RABGAP1L: variants seen among roughly 807,000 people sequenced by gnomAD.
RABGAP1L encodes the protein rab GTPase-activating protein 1-like.
Under a neutral mutation model 137.7 loss-of-function variants are expected in RABGAP1L, and 63 were observed. That is an observed-to-expected ratio of 0.46 (90% CI 0.37 to 0.56). The LOEUF (loss-of-function observed/expected upper bound fraction) is 0.56, where lower values mean the gene tolerates loss of function less well. RABGAP1L is among the 20% of genes least tolerant of loss of function. The probability of loss-of-function intolerance (pLI) is 0.00; values close to 1 mark genes in which losing one functional copy is unlikely to be tolerated. For missense variants in RABGAP1L, 1,095 were observed against 1,244.0 expected (o/e 0.88, Z 1.80); for synonymous variants, 431 against 433.7 (o/e 0.99, Z 0.08).
intron 12 of RABGAP1L, among the ~76,000 whole-genome samples, chr1:174,391,247 C>A (rs1687187797): frequency 6.6e-6 from 1 of 152,120 alleles, no homozygotes; most frequent in Non-Finnish European, 1.5e-5. Context: ...GCTTCCATAC[C>A]AACTCTTGAA....
intron 18 of RABGAP1L, among the ~76,000 whole-genome samples, chr1:174,810,956 G>T (rs1458398049): frequency 6.6e-6 from 1 of 151,894 alleles, no homozygotes; most frequent in African/African-American, 2.4e-5. Flanking sequence ...ATTATAAGTA[G>T]CTGGGTGTGG....
intron 19 of RABGAP1L, among the ~76,000 whole-genome samples, chr1:174,819,188 A>T (rs867473866): frequency 8.6e-4 from 59 of 68,484 alleles, no homozygotes; most frequent in African/African-American, 3.2e-3. Flanking sequence ...GCCTGTCTCT[A>T]AAAAAAAAAA....
intron 11 of RABGAP1L, among the ~76,000 whole-genome samples, chr1:174,325,976 A>G (rs1313510705): frequency 1.3e-5 from 2 of 152,250 alleles, no homozygotes; most frequent in African/African-American, 4.8e-5. Flanking sequence ...CATCAGTGAC[A>G]GAGCCATTGT....
intron 13 of RABGAP1L, among the ~76,000 whole-genome samples, chr1:174,506,277 T>C (rs890934123): frequency 5.9e-5 from 9 of 152,242 alleles, no homozygotes; most frequent in African/African-American, 2.2e-4. Context: ...TAAGTGTATA[T>C]TTGATATTTA....
At position 174,862,211 on chromosome 1, in the gene RABGAP1L, T is replaced by C. The variant is rs1035291102; in HGVS notation, c.2340+50251T>C. The stretch of plus-strand genomic sequence containing the variant: ...ATTGGAGGGACTATCCTTTCCCCAT[T>C]GTGTATTCTCCTTGGTGCCCTTGTC... On this transcript the variant is annotated intron_variant, in intron 19 of 25. Transcript: ENST00000681986. Among the ~76,000 whole-genome samples, 22 of 152,266 alleles carry C rather than the reference T, an allele frequency of 1.4e-4. 1 individual carries two copies. Among genetic ancestry groups the C allele is most frequent in the Admixed American group, 1.4e-3 (21 of 15,294 alleles).
intron 21 of RABGAP1L, among the ~76,000 whole-genome samples, chr1:174,972,882 T>G (rs1670273285): frequency 2.1e-5 from 3 of 144,856 alleles, no homozygotes; most frequent in African/African-American, 8.1e-5. Context: ...AAAAAAATTA[T>G]GGTGAAGGCT....
intron 7 of RABGAP1L, among the ~76,000 whole-genome samples, chr1:174,253,343 T>A (rs1672870112): frequency 6.6e-6 from 1 of 152,214 alleles, no homozygotes; most frequent in Admixed American, 6.5e-5. Context: ...ATTCTCATAC[T>A]GTTAATGGAA....
intron 18 of RABGAP1L, among the ~76,000 whole-genome samples, chr1:174,791,981 G>A (rs1349577071): frequency 1.3e-5 from 2 of 152,178 alleles, no homozygotes; most frequent in African/African-American, 2.4e-5. Flanking sequence ...CCAGTTCCAC[G>A]TGGAATAAAG....
intron 12 of RABGAP1L, among the ~76,000 whole-genome samples, chr1:174,372,898 T>A (rs1303964429): frequency 6.6e-6 from 1 of 152,128 alleles, no homozygotes; most frequent in African/African-American, 2.4e-5. Flanking sequence ...ATGTTGAGAG[T>A]TGTAAACTAG....
At chr1:174,820,362 A>C (rs1690890582) in intron 19 of RABGAP1L, among the ~76,000 whole-genome samples, 1 of 152,078 alleles carries the variant, frequency 6.6e-6, no homozygotes, top group Non-Finnish European at 1.5e-5. Flanking sequence ...CATGGTATGA[A>C]TACTCCCACC....
chr1:174,445,563 T>C (rs1324794462), intron 13 of RABGAP1L, among the ~76,000 whole-genome samples: 3 of 152,182 alleles, frequency 2.0e-5, no homozygotes, highest in Admixed American at 2.0e-4. Context: ...CAGCAATTTT[T>C]TGTGGGGGTG....
intron 17 of RABGAP1L, among the ~76,000 whole-genome samples, chr1:174,746,400 G>T (rs1683867535): frequency 6.6e-6 from 1 of 152,200 alleles, no homozygotes; most frequent in African/African-American, 2.4e-5. Context: ...ATTAGAGGAA[G>T]GTGGTGACCC....
At chr1:174,982,789 A>G (rs1242189464) in intron 23 of RABGAP1L, 45 bp from the exon 24 acceptor site, 2 of 1,524,278 alleles carry the variant, frequency 1.3e-6, no homozygotes. Flanking sequence ...ACATGCTGCA[A>G]GAGTTGTTCT....
intron 14 of RABGAP1L, among the ~76,000 whole-genome samples, chr1:174,651,417 C>T (rs575242302): frequency 1.1e-4 from 17 of 152,202 alleles, no homozygotes; most frequent in Admixed American, 2.6e-4. Flanking sequence ...GTTGATCTGT[C>T]TAATGTTGAC....
chr1:174,185,942 G>A (rs891855961), intron 1 of RABGAP1L, among the ~76,000 whole-genome samples: 2 of 152,048 alleles, frequency 1.3e-5, no homozygotes, highest in African/African-American at 4.8e-5. Flanking sequence ...TCGGGAGTTC[G>A]CGACCAGCCT....
chr1:174,393,696 A>G (rs1202528007), intron 12 of RABGAP1L, among the ~76,000 whole-genome samples: 7 of 152,194 alleles, frequency 4.6e-5, no homozygotes, highest in Non-Finnish European at 7.3e-5. Flanking sequence ...CTAGCAATAT[A>G]TAACTAACAC....
At chr1:174,735,771 A>G (rs952393918) in intron 17 of RABGAP1L, among the ~76,000 whole-genome samples, 1 of 152,130 alleles carries the variant, frequency 6.6e-6, no homozygotes, top group Admixed American at 6.6e-5. Flanking sequence ...TCATAGTGGA[A>G]GGTGAAGAGG....
At chr1:174,902,068 A>G (rs1471097969) in intron 19 of RABGAP1L, among the ~76,000 whole-genome samples, 1 of 152,068 alleles carries the variant, frequency 6.6e-6, no homozygotes, top group East Asian at 1.9e-4. Flanking sequence ...TGGAAGCTCC[A>G]TCCTAGGGGG....
At chr1:174,649,396 G>A (rs887866054) in intron 14 of RABGAP1L, among the ~76,000 whole-genome samples, 2 of 152,016 alleles carry the variant, frequency 1.3e-5, no homozygotes, top group Non-Finnish European at 2.9e-5. Context: ...GGCAGGTCTG[G>A]TGGTGACAAA....
Sources: gnomAD v4.1 joint callset for allele counts (sites outside exome capture counted in the v4.1 genomes callset) on GRCh38, gnomAD v4.1.1 for gene constraint, MANE v1.5 for transcripts, NCBI Gene and HGNC (gene_info 2026-07-23, HGNC 2026-07-21) for gene names.